Variants in GLIS3 observed in about 807,000 individuals in gnomAD.
GLIS3 encodes the protein zinc finger protein GLIS3.
In GLIS3, 53 loss-of-function variants were observed where a neutral mutation model predicts 78.6. The ratio of observed to expected loss-of-function variants is 0.67; its 90% confidence interval spans 0.54 to 0.85. The LOEUF (loss-of-function observed/expected upper bound fraction) is 0.85. GLIS3 is among the 40% of genes least tolerant of loss of function. GLIS3 has a pLI of 0.00. For synonymous variants in GLIS3, 684 were observed against 509.9 expected (o/e 1.34, Z -4.60); for missense variants, 1,703 against 1,231.1 (o/e 1.38, Z -5.74).
At chr9:4,095,871 A>C (rs1235708581) in intron 4 of GLIS3, among the ~76,000 whole-genome samples, 2 of 152,172 alleles carry the variant, frequency 1.3e-5, no homozygotes, top group African/African-American at 2.4e-5. Flanking sequence ...CAGGCTAGGA[A>C]ACTGACATTC....
upstream of GLIS3, among the ~76,000 whole-genome samples, chr9:4,351,500 AAC>A (rs1350827411): frequency 6.6e-6 from 1 of 152,060 alleles, no homozygotes; most frequent in African/African-American, 2.4e-5. Context: ...TACACTGAAA[AAC>A]ACAAAAATAT....
intron 2 of GLIS3, among the ~76,000 whole-genome samples, chr9:4,231,943 A>G (rs1822289039): frequency 2.0e-5 from 3 of 152,242 alleles, no homozygotes; most frequent in Admixed American, 2.0e-4. Context: ...CCTCTGATCC[A>G]CAATAGGCAA....
chr9:4,411,336 C>T, the GLIS3 span, among the ~76,000 whole-genome samples: 9 of 152,294 alleles, frequency 5.9e-5, no homozygotes, highest in South Asian at 2.1e-4. Flanking sequence ...TTAGTCCACA[C>T]GACCTCCCAA....
At chr9:4,267,864 T>C (rs1826154036) in intron 2 of GLIS3, among the ~76,000 whole-genome samples, 1 of 152,124 alleles carries the variant, frequency 6.6e-6, no homozygotes, top group African/African-American at 2.4e-5. Flanking sequence ...TTCTACTAGG[T>C]ACATCATTGC....
intron 2 of GLIS3, among the ~76,000 whole-genome samples, chr9:4,161,204 C>A (rs1217208330): frequency 6.6e-6 from 1 of 151,994 alleles, no homozygotes; most frequent in Non-Finnish European, 1.5e-5. Flanking sequence ...GCCCAGGAGA[C>A]CAAGGCTGCA....
chr9:4,129,632 C>G (rs1190998551), intron 2 of GLIS3, among the ~76,000 whole-genome samples: 2 of 152,188 alleles, frequency 1.3e-5, no homozygotes, highest in Non-Finnish European at 2.9e-5. Flanking sequence ...TTCCTGAGGC[C>G]TCCCCAGAAG....
chr9:3,979,738 C>CA (rs1819090855), intron 4 of GLIS3, among the ~76,000 whole-genome samples: 2 of 152,186 alleles, frequency 1.3e-5, no homozygotes, highest in South Asian at 4.1e-4. Context: ...CCACAGGCAT[C>CA]AATCTTGGTC....
At chr9:3,996,602 TA>T (rs1365738042) in intron 4 of GLIS3, among the ~76,000 whole-genome samples, 36 of 152,120 alleles carry the variant, frequency 2.4e-4, no homozygotes, top group African/African-American at 7.0e-4. Context: ...TGGTAGCAAA[TA>T]AAAAATTGTT....
At chr9:4,440,037 G>A in the GLIS3 span, among the ~76,000 whole-genome samples, 1 of 152,140 alleles carries the variant, frequency 6.6e-6, no homozygotes, top group Non-Finnish European at 1.5e-5. Context: ...TTTTGTAATA[G>A]GTTTGTTTTC....
chr9:4,208,083 C>T (rs991840903), intron 2 of GLIS3, among the ~76,000 whole-genome samples: 5 of 152,204 alleles, frequency 3.3e-5, no homozygotes, highest in African/African-American at 1.2e-4. Context: ...TCTTTGCCTG[C>T]CAAGAGCAGG....
intron 2 of GLIS3, among the ~76,000 whole-genome samples, chr9:4,319,887 A>T (rs189782133): frequency 6.6e-6 from 1 of 152,260 alleles, no homozygotes; most frequent in African/African-American, 2.4e-5. Flanking sequence ...TTAATGAATG[A>T]TTTAGAACCA....
At chr9:4,201,538 T>C (rs4741917) in intron 2 of GLIS3, among the ~76,000 whole-genome samples, 43,640 of 152,006 alleles carry the variant, frequency 0.29, 7,540 homozygotes, top group South Asian at 0.53. Context: ...TATACACTAA[T>C]AACATTCAAG....
intron 4 of GLIS3, among the ~76,000 whole-genome samples, chr9:4,057,256 C>T (rs914531814): frequency 3.3e-5 from 5 of 152,260 alleles, no homozygotes; most frequent in Non-Finnish European, 7.4e-5. Flanking sequence ...TAATACTCTG[C>T]CATTATCATT....
At chr9:4,212,400 T>C (rs1467314715) in intron 2 of GLIS3, among the ~76,000 whole-genome samples, 1 of 152,170 alleles carries the variant, frequency 6.6e-6, no homozygotes, top group Non-Finnish European at 1.5e-5. Flanking sequence ...TCTGAGATCT[T>C]TGTATGAGCC....
At chr9:3,830,975 T>C (rs186386023) in intron 9 of GLIS3, among the ~76,000 whole-genome samples, 114 of 152,310 alleles carry the variant, frequency 7.5e-4, no homozygotes, top group African/African-American at 2.7e-3. Flanking sequence ...ATGGTTGTTA[T>C]GAATATTGCC....
In GLIS3 at chr9:4,155,000, T is replaced by C. The variant is rs1384872400; in HGVS notation, c.389-29059A>G. 2.0e-5 allele frequency among the ~76,000 whole-genome samples: 3 copies of C among 152,328 alleles called. No homozygotes were observed. In the East Asian group the frequency reaches 5.8e-4, roughly 29 times the overall value. ...TACATGGGGAGTTTGTAACACAATG[T>C]GGAAAAAGAGACCATGAAACTTTAT... On this transcript the variant is annotated intron_variant, in intron 2 of 10. Transcript: ENST00000381971.
the GLIS3 span, among the ~76,000 whole-genome samples, chr9:4,442,194 C>T: frequency 6.6e-6 from 1 of 152,086 alleles, no homozygotes; most frequent in African/African-American, 2.4e-5. Flanking sequence ...TACATGTGCC[C>T]AGGAATTTAT....
Position 4,286,581 on chromosome 9 carries a change from T to A in GLIS3, c.-98-58A>T, listed in dbSNP as rs1828022697. 9 of 855,214 alleles carry A rather than the reference T, an allele frequency of 1.1e-5. No individual in the cohort carries two copies. The South Asian group carries it at 1.3e-4, about 13-fold the overall frequency. 53.0% of individuals were successfully genotyped at this position (855,214 alleles called of 1,614,324 possible). ...AAGCAAAAATGAAAATAAGATACAGTGAGTTTTTCAACCTGTGTATCATTC... is the reference window on the plus strand; with the variant it reads ...AAGCAAAAATGAAAATAAGATACAGAGAGTTTTTCAACCTGTGTATCATTC... On this transcript the variant is annotated intron_variant, in intron 1 of 10. Coordinates refer to ENST00000381971, the MANE Select transcript of GLIS3 (RefSeq NM_001042413.2).
intron 4 of GLIS3, among the ~76,000 whole-genome samples, chr9:4,096,344 T>G (rs115088679): frequency 0.018 from 2,751 of 152,284 alleles, 71 homozygotes; most frequent in African/African-American, 0.061. Flanking sequence ...TCCTACATAG[T>G]CCAGGAATAG....
Sources: allele counts gnomAD v4.1 joint callset (sites outside exome capture counted in the v4.1 genomes callset), GRCh38; gene constraint gnomAD v4.1.1; transcripts MANE v1.5; gene names NCBI Gene and HGNC (gene_info 2026-07-23, HGNC 2026-07-21).